SYT17: variants seen among roughly 807,000 people sequenced by gnomAD.
SYT17 encodes synaptotagmin-17.
Under a neutral mutation model 46.7 loss-of-function variants are expected in SYT17, and 22 were observed. The ratio of observed to expected loss-of-function variants is 0.47; its 90% CI spans 0.34 to 0.67. The LOEUF (loss-of-function observed/expected upper bound fraction) is 0.67, where lower values mean the gene tolerates loss of function less well. SYT17 is among the 30% of genes least tolerant of loss of function. The pLI, the probability that SYT17 is intolerant of heterozygous loss-of-function variation, is 0.01. For missense variants in SYT17, 519 were observed against 612.8 expected, an observed-to-expected ratio of 0.85 and a Z score of 1.62; for synonymous variants, 251 against 248.4, an observed-to-expected ratio of 1.01 and a Z score of -0.10.
At chr16:19,179,067 T>C (rs968203308) in intron 3 of SYT17, among the ~76,000 whole-genome samples, 1 of 151,624 alleles carries the variant, frequency 6.6e-6, no homozygotes, top group Non-Finnish European at 1.5e-5. Flanking sequence ...GATCAATCAA[T>C]AAAAAATGTT....
At chr16:19,258,285 G>A (rs1453850870) in intron 7 of SYT17, among the ~76,000 whole-genome samples, 1 of 152,090 alleles carries the variant, frequency 6.6e-6, no homozygotes, top group African/African-American at 2.4e-5. Flanking sequence ...GGCGGGAAGG[G>A]TGGCAATTGT....
At position 19,183,494 on chromosome 16, in the gene SYT17, G is replaced by A; in HGVS notation, c.332-34G>A. ...AGTGGCCCAGGTCTGCCCCGTATGT[G>A]GCTGTCTTCATTGTTATTTCTGGTG... On this transcript the variant is annotated intron_variant, in intron 4 of 7. Coordinates refer to ENST00000355377, the MANE Select transcript of SYT17 (RefSeq NM_016524.4). The surrounding 1 kb of genome is among the most constrained non-coding windows in gnomAD (Gnocchi z 5.6). 1 of 1,610,484 alleles carries A rather than the reference G, an allele frequency of 6.2e-7. No individual in the cohort carries two copies. Among genetic ancestry groups the A allele is most frequent in the Middle Eastern group, 1.7e-4 (1 of 6,048 alleles).
chr16:19,208,841 C>G (rs1458253905), intron 5 of SYT17, among the ~76,000 whole-genome samples: 1 of 146,956 alleles, frequency 6.8e-6, no homozygotes, highest in East Asian at 2.0e-4. Flanking sequence ...CTACCCTACT[C>G]CAGTATAACC....
intron 1 of SYT17, among the ~76,000 whole-genome samples, chr16:19,169,411 G>A (rs1465552155): frequency 1.3e-5 from 2 of 152,242 alleles, no homozygotes; most frequent in Admixed American, 6.5e-5. Flanking sequence ...CAGCGCCAAG[G>A]TCAAGCAGGC....
At chr16:19,242,545 G>C (rs968953037) in intron 7 of SYT17, among the ~76,000 whole-genome samples, 3 of 151,880 alleles carry the variant, frequency 2.0e-5, no homozygotes, top group African/African-American at 7.3e-5. Flanking sequence ...TTTTTTTTGA[G>C]ATGGGGTCTC....
At chr16:19,259,567 A>C (rs1968816021) in intron 7 of SYT17, among the ~76,000 whole-genome samples, 1 of 152,216 alleles carries the variant, frequency 6.6e-6, no homozygotes. Flanking sequence ...GGAAAACCAG[A>C]TGACTGAGTT....
In SYT17 at chr16:19,208,197, G is replaced by A. The variant is rs187262868; in HGVS notation, c.952-14848G>A. Among the ~76,000 whole-genome samples the A allele has an allele frequency of 1.4e-3, 208 of 152,278 alleles. 1 individual carries two copies. The highest frequency in any genetic ancestry group is 3.2e-3 in the Admixed American group (49 of 15,290). ...GGCAAGCCACAGACTGGGAGGATAC[G>A]TTTGCTATACACATATATTAGTTTT... On this transcript the variant is annotated intron_variant, in intron 5 of 7. Transcript: ENST00000355377.
At chr16:19,231,585 G>A in intron 7 of SYT17, among the ~76,000 whole-genome samples, 1 of 143,296 alleles carries the variant, frequency 7.0e-6, no homozygotes, top group African/African-American at 2.6e-5. Context: ...TGGCAAACTT[G>A]ATCAAGAGGC....
At chr16:19,258,003 A>G (rs1391565094) in intron 7 of SYT17, among the ~76,000 whole-genome samples, 1 of 152,062 alleles carries the variant, frequency 6.6e-6, no homozygotes, top group Non-Finnish European at 1.5e-5. Context: ...CCACATTCTA[A>G]GTCATCCAGC....
intron 7 of SYT17, among the ~76,000 whole-genome samples, chr16:19,250,819 A>G (rs986691764): frequency 6.6e-6 from 1 of 152,190 alleles, no homozygotes; most frequent in African/African-American, 2.4e-5. Context: ...CCATGTGACC[A>G]GTACTCAGAT....
At chr16:19,205,988 A>G (rs1965656482) in intron 5 of SYT17, among the ~76,000 whole-genome samples, 1 of 152,148 alleles carries the variant, frequency 6.6e-6, no homozygotes, top group African/African-American at 2.4e-5. Context: ...ATAAATATTT[A>G]TGGAAGGGAA....
At chr16:19,249,834 T>G in intron 7 of SYT17, 1 of 1,191,544 alleles carries the variant, frequency 8.4e-7, no homozygotes, top group Non-Finnish European at 1.1e-6. Flanking sequence ...ATTGGAGTCA[T>G]TGGGATAACC....
intron 5 of SYT17, among the ~76,000 whole-genome samples, chr16:19,222,428 G>A (rs968887355): frequency 1.3e-5 from 2 of 152,252 alleles, no homozygotes; most frequent in East Asian, 1.9e-4. Context: ...CAAGGGGATG[G>A]GTACTCTTCA....
chr16:19,196,982 T>C (rs28707427), intron 5 of SYT17, among the ~76,000 whole-genome samples: 60,616 of 152,074 alleles, frequency 0.4, 12,596 homozygotes, highest in Middle Eastern at 0.48. Flanking sequence ...TGCCAAAAAC[T>C]GCCTGGTAAA....
intron 5 of SYT17, among the ~76,000 whole-genome samples, chr16:19,189,074 G>C (rs1964907157): frequency 6.6e-6 from 1 of 152,118 alleles, no homozygotes; most frequent in African/African-American, 2.4e-5. Context: ...TTTTAGTAGA[G>C]ATGGGGTTTC....
chr16:19,253,654 GAAA>G (rs1567235666), intron 7 of SYT17, among the ~76,000 whole-genome samples: 1 of 108,590 alleles, frequency 9.2e-6, no homozygotes, highest in East Asian at 3.1e-4. Flanking sequence ...GAAAAGAAAA[GAAA>G]AAAGAAAAGA....
intron 5 of SYT17, among the ~76,000 whole-genome samples, chr16:19,200,984 G>T (rs1257544488): frequency 6.6e-6 from 1 of 152,188 alleles, no homozygotes; most frequent in East Asian, 1.9e-4. Context: ...GGGGGGACCA[G>T]CTGGGGGGCA....
intron 7 of SYT17, among the ~76,000 whole-genome samples, chr16:19,255,710 A>G (rs1968512894): frequency 6.6e-6 from 1 of 152,178 alleles, no homozygotes. Flanking sequence ...ACTTGAGCCC[A>G]GGAGGTTGAG....
Position 19,267,274 on chromosome 16 carries a change from C to G in SYT17, c.*198C>G, listed in dbSNP as rs1479170433. 1 of 463,282 alleles carries G rather than the reference C, an allele frequency of 2.2e-6. No individual in the cohort carries two copies. Among genetic ancestry groups the G allele is most frequent in the Non-Finnish European group, 3.4e-6 (1 of 290,898 alleles). 28.7% of individuals were successfully genotyped at this position (463,282 alleles called of 1,614,324 possible). A position where few individuals can be genotyped will look rare whatever the true frequency, so the allele number is the denominator to read the frequency against. The stretch of plus-strand genomic sequence containing the variant: ...GACTATTGATCACAAAATGGCCGCC[C>G]TCAGTTGAGTGAGGCCTAGGAACTT... On this transcript the variant is annotated 3_prime_UTR_variant, in exon 8 of 8. Transcript: ENST00000355377.
Sources: gnomAD v4.1 joint callset for allele counts (sites outside exome capture counted in the v4.1 genomes callset) on GRCh38, gnomAD v4.1.1 for gene constraint, Gnocchi (gnomAD v3.1) non-coding constraint, MANE v1.5 for transcripts, NCBI Gene and HGNC (gene_info 2026-07-23, HGNC 2026-07-21) for gene names.